SOX6: variants seen among roughly 807,000 people sequenced by gnomAD.
The protein encoded by SOX6 is SRY-box transcription factor 6, also known as transcription factor SOX-6.
SOX6 carries 11 observed loss-of-function variants against 97.8 expected under a neutral mutation model. The ratio of observed to expected loss-of-function variants is 0.11; its 90% confidence interval spans 0.07 to 0.19. The LOEUF is 0.19. Among genes scored for constraint, SOX6 ranks in the 10% least tolerant of loss-of-function variants. SOX6 has a pLI of 1.00. For missense variants in SOX6, 810 were observed against 1,039.5 expected (o/e 0.78, Z 3.04); for synonymous variants, 360 against 371.4 (o/e 0.97, Z 0.35).
intron 1 of SOX6, among the ~76,000 whole-genome samples, chr11:16,421,950 G>A (rs1859029174): frequency 6.6e-6 from 1 of 152,114 alleles, no homozygotes; most frequent in Non-Finnish European, 1.5e-5. Flanking sequence ...CACAGCTTTT[G>A]CACATGCCTC....
chr11:16,475,738 G>C (rs1303807403), intron 1 of SOX6, among the ~76,000 whole-genome samples: 1 of 152,108 alleles, frequency 6.6e-6, no homozygotes, highest in Non-Finnish European at 1.5e-5. Flanking sequence ...CATGCTGTTG[G>C]AAAAATGGTG....
chr11:16,057,778 T>C (rs1017953490), intron 9 of SOX6, among the ~76,000 whole-genome samples: 1 of 152,160 alleles, frequency 6.6e-6, no homozygotes, highest in African/African-American at 2.4e-5. Flanking sequence ...GAATTCTAAG[T>C]TGAAAATAAT....
At chr11:16,272,138 G>C (rs190480563) in intron 3 of SOX6, among the ~76,000 whole-genome samples, 14 of 151,278 alleles carry the variant, frequency 9.3e-5, no homozygotes, top group East Asian at 7.8e-4. Flanking sequence ...TTAATTTCCA[G>C]GTATAAAGAC....
At chr11:16,270,291 T>C (rs1583611) in intron 3 of SOX6, among the ~76,000 whole-genome samples, 118,084 of 151,044 alleles carry the variant, frequency 0.78, 46,311 homozygotes, top group Non-Finnish European at 0.8. Context: ...CAATGACATA[T>C]GACTTCACAT....
At chr11:16,373,835 G>T (rs1857562115) in intron 1 of SOX6, among the ~76,000 whole-genome samples, 1 of 22,542 alleles carries the variant, frequency 4.4e-5, no homozygotes, top group Non-Finnish European at 9.4e-5. Flanking sequence ...AAGGAAGGAA[G>T]GAAGGAAGGA....
chr11:16,381,489 A>G (rs1037654435), intron 1 of SOX6, among the ~76,000 whole-genome samples: 1 of 151,940 alleles, frequency 6.6e-6, no homozygotes, highest in African/African-American at 2.4e-5. Context: ...CTTTATCCCA[A>G]TTGGACACTA....
intron 3 of SOX6, among the ~76,000 whole-genome samples, chr11:16,637,551 AT>A (rs1404031046): frequency 6.6e-6 from 1 of 152,212 alleles, no homozygotes; most frequent in Admixed American, 6.5e-5. Flanking sequence ...TTATTAAACT[AT>A]AAATTTCCCC....
At chr11:16,199,693 T>C (rs946229985) in intron 4 of SOX6, among the ~76,000 whole-genome samples, 3 of 152,226 alleles carry the variant, frequency 2.0e-5, no homozygotes, top group African/African-American at 4.8e-5. Context: ...AATTACAATT[T>C]AATGTTATTT....
chr11:16,628,546 C>T (rs1848657646), intron 3 of SOX6, among the ~76,000 whole-genome samples: 1 of 151,122 alleles, frequency 6.6e-6, no homozygotes, highest in South Asian at 2.1e-4. Context: ...TCTCTTGAAC[C>T]CAGGAGGCGG....
chr11:16,190,746 C>A (rs1851608726), intron 4 of SOX6, among the ~76,000 whole-genome samples: 1 of 152,124 alleles, frequency 6.6e-6, no homozygotes, highest in Admixed American at 6.5e-5. Flanking sequence ...AAACACCATA[C>A]AATAGCTTAT....
At chr11:16,231,450 T>G (rs995604949) in intron 4 of SOX6, among the ~76,000 whole-genome samples, 3 of 151,710 alleles carry the variant, frequency 2.0e-5, no homozygotes, top group Non-Finnish European at 4.4e-5. Flanking sequence ...TTTTCCCCTA[T>G]AAAAATGGCA....
intron 3 of SOX6, among the ~76,000 whole-genome samples, chr11:16,668,100 G>A (rs777259394): frequency 9.2e-5 from 14 of 152,154 alleles, no homozygotes; most frequent in Non-Finnish European, 1.2e-4. Context: ...ACAGACCAGC[G>A]TGGTGGCTCA....
intron 6 of SOX6, among the ~76,000 whole-genome samples, chr11:16,137,728 G>C (rs1468602773): frequency 6.6e-6 from 1 of 152,138 alleles, no homozygotes; most frequent in African/African-American, 2.4e-5. Context: ...ATCCTGAATT[G>C]TAGTTCCTAT....
intron 13 of SOX6, among the ~76,000 whole-genome samples, chr11:16,012,425 G>A (rs1039579723): frequency 1.3e-5 from 2 of 151,906 alleles, no homozygotes; most frequent in East Asian, 3.9e-4. Context: ...ACCCCCAAAA[G>A]CACATGAGGT....
intron 2 of SOX6, among the ~76,000 whole-genome samples, chr11:16,716,299 C>T (rs1335676454): frequency 1.3e-5 from 2 of 152,132 alleles, no homozygotes. Flanking sequence ...GTCTCAGCTA[C>T]TAGGGAGGCT....
chr11:16,466,056 G>GTT (rs1363981356), intron 1 of SOX6, among the ~76,000 whole-genome samples: 1 of 152,118 alleles, frequency 6.6e-6, no homozygotes, highest in African/African-American at 2.4e-5. Context: ...TCTTTTGCCA[G>GTT]TTATCTATAA....
chr11:16,226,884 G>A (rs75838163), intron 4 of SOX6, among the ~76,000 whole-genome samples: 1,811 of 152,164 alleles, frequency 0.012, 32 homozygotes, highest in African/African-American at 0.041. Flanking sequence ...TGTGGGTTGC[G>A]GGAGGGAGGA....
At chr11:16,455,281 T>G (rs1020640846) in intron 1 of SOX6, among the ~76,000 whole-genome samples, 27 of 151,732 alleles carry the variant, frequency 1.8e-4, no homozygotes, top group Non-Finnish European at 3.2e-4. Flanking sequence ...CACAAAAAAT[T>G]TTTTTAAATA....
intron 4 of SOX6, among the ~76,000 whole-genome samples, chr11:16,514,540 GT>G (rs894367792): frequency 1.8e-3 from 264 of 148,844 alleles, no homozygotes; most frequent in Middle Eastern, 3.5e-3. Context: ...TTGTGTCAGA[GT>G]TTTTTTTTTC....
Sources: allele counts gnomAD v4.1 joint callset (sites outside exome capture counted in the v4.1 genomes callset), GRCh38; gene constraint gnomAD v4.1.1; transcripts MANE v1.5; gene names NCBI Gene and HGNC (gene_info 2026-07-23, HGNC 2026-07-21).